RANBP2: variants seen among roughly 807,000 people sequenced by gnomAD.
RANBP2 encodes the protein E3 SUMO-protein ligase RanBP2.
RANBP2 carries 57 observed loss-of-function variants against 303.6 expected under a neutral mutation model. That is an observed-to-expected ratio of 0.19 (90% CI 0.15 to 0.23). The LOEUF is 0.23. Ranked by LOEUF, RANBP2 falls within the 10% of genes least tolerant of loss-of-function variation. The pLI, the probability that RANBP2 is intolerant of heterozygous loss-of-function variation, is 1.00. For missense variants in RANBP2, 3,138 were observed against 3,780.8 expected (o/e 0.83, Z 4.46); for synonymous variants, 1,167 against 1,301.5 (o/e 0.90, Z 2.23).
chr2:109,163,666 T>TG, the RANBP2 span, among the ~76,000 whole-genome samples: 1 of 152,136 alleles, frequency 6.6e-6, no homozygotes, highest in Non-Finnish European at 1.5e-5. Context: ...CCCAAAGTGC[T>TG]GGGATTACAG....
chr2:108,869,926 G>C, the RANBP2 span, among the ~76,000 whole-genome samples: 1 of 152,082 alleles, frequency 6.6e-6, no homozygotes, highest in African/African-American at 2.4e-5. Flanking sequence ...TCATCCAAAG[G>C]AACAAAATAA....
chr2:109,297,544 C>CAGGCAGCCTTGGGTTTGCG, the RANBP2 span, among the ~76,000 whole-genome samples: 1 of 148,588 alleles, frequency 6.7e-6, no homozygotes, highest in African/African-American at 2.5e-5. Flanking sequence ...GCCAGTGCCC[C>CAGGCAGCCTTGGGTTTGCG]CCACCCAAGT....
At chr2:109,629,302 GATATATAT>G in the RANBP2 span, among the ~76,000 whole-genome samples, 108 of 77,624 alleles carry the variant, frequency 1.4e-3, 3 homozygotes, top group South Asian at 5.4e-3. Context: ...CTGGCCTAAA[GATATATAT>G]ATATATATAT....
the RANBP2 span, among the ~76,000 whole-genome samples, chr2:108,886,796 C>G: frequency 6.6e-6 from 1 of 152,078 alleles, no homozygotes; most frequent in African/African-American, 2.4e-5. Context: ...GAAAATTAGT[C>G]CCCTGTTGGA....
the RANBP2 span, among the ~76,000 whole-genome samples, chr2:108,855,797 C>T: frequency 6.6e-6 from 1 of 152,116 alleles, no homozygotes; most frequent in African/African-American, 2.4e-5. Flanking sequence ...TAAGCTGAAA[C>T]AGCAAAGAAG....
chr2:109,597,174 G>A, the RANBP2 span, among the ~76,000 whole-genome samples: 1 of 152,004 alleles, frequency 6.6e-6, no homozygotes, highest in African/African-American at 2.4e-5. Context: ...CTCCTGAGCT[G>A]AAGCAACTTG....
the RANBP2 span, among the ~76,000 whole-genome samples, chr2:108,968,109 C>T: frequency 6.6e-6 from 1 of 152,168 alleles, no homozygotes; most frequent in Non-Finnish European, 1.5e-5. Context: ...GGGATAATAT[C>T]ACCTGATTTT....
the RANBP2 span, among the ~76,000 whole-genome samples, chr2:109,671,866 G>T: frequency 2.0e-5 from 3 of 152,130 alleles, no homozygotes; most frequent in African/African-American, 7.2e-5. Context: ...GGGGAAAAAA[G>T]GTATCTTATA....
chr2:109,285,600 G>A, the RANBP2 span, among the ~76,000 whole-genome samples: 1 of 152,220 alleles, frequency 6.6e-6, no homozygotes, highest in African/African-American at 2.4e-5. Flanking sequence ...GTCAAGCCCC[G>A]GAGTGTGTCT....
chr2:109,367,897 A>T, the RANBP2 span, among the ~76,000 whole-genome samples: 4 of 152,188 alleles, frequency 2.6e-5, no homozygotes, highest in Non-Finnish European at 5.9e-5. Context: ...TGCCTGCCCT[A>T]CATTTATATC....
At chr2:109,375,253 C>T in the RANBP2 span, among the ~76,000 whole-genome samples, 1 of 152,262 alleles carries the variant, frequency 6.6e-6, no homozygotes, top group Non-Finnish European at 1.5e-5. Flanking sequence ...GCCACCGTCC[C>T]ATGCCCTGGA....
the RANBP2 span, among the ~76,000 whole-genome samples, chr2:109,096,946 GTGAT>G: frequency 2.0e-5 from 3 of 151,984 alleles, no homozygotes; most frequent in Admixed American, 1.3e-4. Flanking sequence ...TTGACTCCCT[GTGAT>G]TCCGTCTCTA....
the RANBP2 span, among the ~76,000 whole-genome samples, chr2:109,640,166 C>T: frequency 6.6e-6 from 1 of 151,638 alleles, no homozygotes; most frequent in Non-Finnish European, 1.5e-5. Flanking sequence ...AAATGATATG[C>T]TTCCAGCCCA....
At chr2:108,728,901 C>T (rs1302675939) in intron 1 of RANBP2, among the ~76,000 whole-genome samples, 1 of 152,134 alleles carries the variant, frequency 6.6e-6, no homozygotes, top group Admixed American at 6.5e-5. Flanking sequence ...ACTTCGGCCT[C>T]CCAAAGTGCT....
At chr2:108,877,842 A>G in the RANBP2 span, among the ~76,000 whole-genome samples, 1 of 152,264 alleles carries the variant, frequency 6.6e-6, no homozygotes, top group Non-Finnish European at 1.5e-5. Context: ...ATCCTGGCCA[A>G]ATGGTAAGTT....
At chr2:109,373,273 A>T in the RANBP2 span, among the ~76,000 whole-genome samples, 1 of 152,270 alleles carries the variant, frequency 6.6e-6, no homozygotes, top group South Asian at 2.1e-4. Flanking sequence ...TCCAGAAGTC[A>T]GAAATCTGAG....
chr2:109,679,199 C>T, the RANBP2 span, among the ~76,000 whole-genome samples: 1 of 152,196 alleles, frequency 6.6e-6, no homozygotes. Context: ...ACTAAATAGA[C>T]CAAGAAAAGA....
the RANBP2 span, among the ~76,000 whole-genome samples, chr2:109,000,931 T>G: frequency 6.6e-6 from 1 of 152,212 alleles, no homozygotes; most frequent in East Asian, 1.9e-4. Context: ...GCTGAATTCC[T>G]TCAGTGCCCT....
the RANBP2 span, chr2:109,398,942 A>T: frequency 6.2e-7 from 1 of 1,609,818 alleles, no homozygotes; most frequent in Non-Finnish European, 8.5e-7. Flanking sequence ...GCTCCCACCC[A>T]GGTAACATCC....
Sources: gnomAD v4.1 joint callset for allele counts (sites outside exome capture counted in the v4.1 genomes callset) on GRCh38, gnomAD v4.1.1 for gene constraint, MANE v1.5 for transcripts, NCBI Gene and HGNC (gene_info 2026-07-23, HGNC 2026-07-21) for gene names.